The following VWA8 variants were observed in gnomAD, a reference collection of about 807,000 sequenced individuals.
VWA8 encodes the protein von Willebrand factor A domain-containing protein 8.
Under a neutral mutation model 241.5 loss-of-function variants are expected in VWA8, and 221 were observed. The ratio of observed to expected loss-of-function variants is 0.91; its 90% CI spans 0.82 to 1.02. The LOEUF (loss-of-function observed/expected upper bound fraction) is 1.02, where lower values mean the gene tolerates loss of function less well. VWA8 is among the 50% of genes least tolerant of loss of function. The probability of loss-of-function intolerance (pLI) is 0.00; values close to 1 mark genes in which losing one functional copy is unlikely to be tolerated. For synonymous variants in VWA8, 852 were observed against 827.1 expected (o/e 1.03, Z -0.52); for missense variants, 2,322 against 2,328.7 (o/e 1.00, Z 0.06).
chr13:41,751,972 T>C (rs1302130041), intron 21 of VWA8, among the ~76,000 whole-genome samples: 1 of 152,188 alleles, frequency 6.6e-6, no homozygotes, highest in Non-Finnish European at 1.5e-5. Context: ...GGACATCCAC[T>C]GTGAATTAAG....
intron 17 of VWA8, among the ~76,000 whole-genome samples, chr13:41,795,544 C>G (rs1400117461): frequency 6.6e-6 from 1 of 152,172 alleles, no homozygotes; most frequent in East Asian, 1.9e-4. Flanking sequence ...ATGGAATCAA[C>G]CCAAATGCCC....
chr13:41,911,460 T>A lies in VWA8; in HGVS notation c.372+578A>T, dbSNP rs7983197. Among the ~76,000 whole-genome samples, 302 of 152,256 alleles carry A rather than the reference T, an allele frequency of 2.0e-3. 5 individuals are homozygous for A. Among genetic ancestry groups the A allele is most frequent in the African/African-American group, 6.7e-3 (280 of 41,542 alleles). ...TGCAAATGTTTAAGAGGACAACATGTCAGAAAGGGGAAACATGGGATTTCA... is the reference window on the plus strand; with the variant it reads ...TGCAAATGTTTAAGAGGACAACATGACAGAAAGGGGAAACATGGGATTTCA... On this transcript the variant is annotated intron_variant, in intron 3 of 44. Transcript: ENST00000379310.
In VWA8 at chr13:41,907,624, G is replaced by A. The variant is rs1010094785; in HGVS notation, c.445C>T (p.Arg149Ter). The change falls in exon 4 of 45, where the codon CGA becomes TGA. Residue 149 changes from arginine to a stop codon, truncating the protein, a stop_gained. Transcript: ENST00000379310. LOFTEE classifies it high-confidence loss of function. ...DTTETDLKQR[R>*]EIRAGTAFYI... Reference sequence around the variant, plus strand: ...AAGGCTGTGCCTGCACGGATCTCTCGTCGCTGTTTGAGATCAGTTTCAGTG... The same window carrying A: ...AAGGCTGTGCCTGCACGGATCTCTCATCGCTGTTTGAGATCAGTTTCAGTG... 1.3e-5 allele frequency: 21 copies of A among 1,614,014 alleles called. No homozygotes were observed. The highest frequency in any genetic ancestry group is 1.6e-4 in the Middle Eastern group (1 of 6,082).
chr13:41,793,724 G>A (rs140042354), intron 17 of VWA8, among the ~76,000 whole-genome samples: 2,002 of 152,306 alleles, frequency 0.013, 23 homozygotes, highest in Middle Eastern at 0.051. Flanking sequence ...GCTGAGGCAG[G>A]AGACTTGCTT....
intron 16 of VWA8, among the ~76,000 whole-genome samples, chr13:41,812,715 T>C (rs1870526300): frequency 6.6e-6 from 1 of 152,186 alleles, no homozygotes; most frequent in South Asian, 2.1e-4. Context: ...TAGTATTATA[T>C]TTCCTTTGGG....
chr13:41,738,070 G>C (rs558341045), intron 21 of VWA8, among the ~76,000 whole-genome samples: 5 of 152,120 alleles, frequency 3.3e-5, no homozygotes, highest in Admixed American at 2.6e-4. Context: ...TAAAAAGTAA[G>C]GAAGACAAAA....
At chr13:41,597,145 A>C (rs2044494031) in intron 40 of VWA8, among the ~76,000 whole-genome samples, 1 of 152,136 alleles carries the variant, frequency 6.6e-6, no homozygotes, top group Non-Finnish European at 1.5e-5. Flanking sequence ...TGGGTGAATG[A>C]ATAACTGTAA....
intron 26 of VWA8, among the ~76,000 whole-genome samples, chr13:41,709,827 A>C (rs2045305362): frequency 6.7e-6 from 1 of 149,608 alleles, no homozygotes; most frequent in Non-Finnish European, 1.5e-5. Context: ...CTGGAGTGCA[A>C]TGGCTATTCA....
At chr13:41,623,053 G>A (rs1177320555) in intron 37 of VWA8, among the ~76,000 whole-genome samples, 2 of 152,134 alleles carry the variant, frequency 1.3e-5, no homozygotes, top group East Asian at 3.9e-4. Flanking sequence ...GAAGCCACGT[G>A]GTCTGAGACG....
chr13:41,719,494 G>A, intron 26 of VWA8, 97 bp downstream of exon 26: 1 of 1,582,462 alleles, frequency 6.3e-7, no homozygotes, highest in Non-Finnish European at 8.6e-7. Flanking sequence ...CTTACTCATG[G>A]AAAGTAATTT....
chr13:41,911,925 A>G, intron 3 of VWA8, 113 bp downstream of exon 3: 1 of 1,212,432 alleles, frequency 8.2e-7, no homozygotes. Context: ...TGATGTCAGC[A>G]TTTGTTTCAA....
chr13:41,586,912 A>G (rs1285077833), intron 42 of VWA8, among the ~76,000 whole-genome samples: 1 of 152,190 alleles, frequency 6.6e-6, no homozygotes, highest in Non-Finnish European at 1.5e-5. Context: ...TCTGTGGCTG[A>G]TTAAGAGAGG....
At chr13:41,953,820 A>T (rs1245096427) in intron 1 of VWA8, among the ~76,000 whole-genome samples, 4 of 151,568 alleles carry the variant, frequency 2.6e-5, no homozygotes, top group South Asian at 2.1e-4. Context: ...AAAAAAAATT[A>T]AAAAAGAAAA....
At chr13:41,883,258 G>A in intron 9 of VWA8, 129 bp downstream of exon 9, 1 of 658,042 alleles carries the variant, frequency 1.5e-6, no homozygotes, top group Non-Finnish European at 2.6e-6. Context: ...GGAGGGGAAG[G>A]GAAAGGAAAG....
At chr13:41,823,587 A>T (rs1871054706) in intron 14 of VWA8, among the ~76,000 whole-genome samples, 2 of 152,158 alleles carry the variant, frequency 1.3e-5, no homozygotes, top group Admixed American at 1.3e-4. Context: ...CAAAGGAAGG[A>T]GTTCTATTTT....
intron 20 of VWA8, among the ~76,000 whole-genome samples, chr13:41,766,853 G>A (rs539102574): frequency 9.9e-5 from 15 of 152,200 alleles, no homozygotes; most frequent in African/African-American, 2.2e-4. Flanking sequence ...TGCCCTATTC[G>A]GGTCTCTTAA....
chr13:41,596,443 C>T (rs1022487309), intron 40 of VWA8, among the ~76,000 whole-genome samples: 7 of 151,990 alleles, frequency 4.6e-5, no homozygotes, highest in Non-Finnish European at 8.8e-5. Context: ...TTTTATGAGA[C>T]TTAGTGAAAT....
intron 21 of VWA8, among the ~76,000 whole-genome samples, chr13:41,744,586 C>T (rs1196911891): frequency 7.7e-6 from 1 of 130,614 alleles, no homozygotes; most frequent in South Asian, 2.6e-4. Flanking sequence ...TTTTATAAAA[C>T]TAAAACAAAA....
intron 9 of VWA8, among the ~76,000 whole-genome samples, chr13:41,880,272 C>G (rs1339345602): frequency 1.3e-5 from 2 of 152,070 alleles, no homozygotes; most frequent in African/African-American, 4.8e-5. Flanking sequence ...ATTTTTTTAG[C>G]ACATTTCCCC....
Sources: allele counts gnomAD v4.1 joint callset (sites outside exome capture counted in the v4.1 genomes callset), GRCh38; gene constraint gnomAD v4.1.1; transcripts MANE v1.5; gene names NCBI Gene and HGNC (gene_info 2026-07-23, HGNC 2026-07-21).